SCN4A: variants seen among roughly 807,000 people sequenced by gnomAD.
The protein encoded by SCN4A is sodium voltage-gated channel alpha subunit 4, also known as sodium channel protein type 4 subunit alpha.
Under a neutral mutation model 162.0 loss-of-function variants are expected in SCN4A, and 83 were observed. The observed-to-expected ratio is 0.51, with a 90% confidence interval of 0.43 to 0.61. The LOEUF (loss-of-function observed/expected upper bound fraction) is 0.61. Ranked by LOEUF, SCN4A falls within the 20% of genes least tolerant of loss-of-function variation. The pLI is 0.00. For missense variants in SCN4A, 2,196 were observed against 2,462.5 expected (o/e 0.89, Z 2.29); for synonymous variants, 944 against 985.1 (o/e 0.96, Z 0.78).
chr17:63,961,592 AC>A (rs1379743490), intron 10 of SCN4A, 161 bp from the exon 11 acceptor site: 4 of 535,886 alleles, frequency 7.5e-6, no homozygotes, highest in Non-Finnish European at 1.4e-5. Context: ...CTCTTGCGTC[AC>A]CCTTACTGTC....
rs746440507 is a variant in SCN4A at position 63,951,567 on chromosome 17, G to A, written c.2710C>T (p.Pro904Ser). 1.9e-6 allele frequency: 3 copies of A among 1,613,956 alleles called. No individual in the cohort carries two copies. The highest frequency in any genetic ancestry group is 3.3e-5 in the Admixed American group (2 of 60,024). Residue 904 changes from proline to serine, a missense_variant, in exon 14 of 24, where the codon CCA (proline) becomes TCA (serine). Physicochemically the swap from Pro to Ser is moderately conservative, Grantham distance 74. Transcript: ENST00000435607. This position sits in a 1 kb window ranked among gnomAD's most constrained non-coding sequence, Gnocchi z 4.5. ...LNHMGLADGPPSSLELDHLNF... is the reference protein window; with the variant it reads ...LNHMGLADGPSSSLELDHLNF... ...AGGTGGTCCAGCTCGAGGCTGGATG[G>A]GGGGCCGTCAGCCAGGCCCATGTGG...
intron 9 of SCN4A, 63 bp from the exon 10 acceptor site, chr17:63,963,888 G>C (rs990198513): frequency 6.9e-7 from 1 of 1,449,690 alleles, no homozygotes; most frequent in East Asian, 2.5e-5. Flanking sequence ...TGGACTAATT[G>C]ACCCTCAGAG....
chr17:63,944,967 T>C lies in SCN4A; in HGVS notation c.3774+40A>G. 1.2e-6 allele frequency: 2 copies of C among 1,608,230 alleles called. No individual in the cohort carries two copies. Among genetic ancestry groups the C allele is most frequent in the Non-Finnish European group, 1.7e-6 (2 of 1,175,562 alleles). ...CCCTCCTGTCTTGAGTCCTCTTCCC[T>C]GGCTCGCTCACCAGCCACATCTCAG... On this transcript the variant is annotated intron_variant, in intron 20 of 23. Coordinates refer to ENST00000435607, the MANE Select transcript of SCN4A (RefSeq NM_000334.4). This position sits in a 1 kb window ranked among gnomAD's most constrained non-coding sequence, Gnocchi z 4.3.
In SCN4A at chr17:63,945,584, C is replaced by T; in HGVS notation, c.3496G>A (p.Val1166Ile). 1 of 1,614,040 alleles carries T rather than the reference C, an allele frequency of 6.2e-7. No individual in the cohort carries two copies. Among genetic ancestry groups the T allele is most frequent in the Non-Finnish European group, 8.5e-7 (1 of 1,179,934 alleles). The change falls in exon 19 of 24, where the codon GTC becomes ATC. Residue 1166 changes from valine (V) to isoleucine (I), a missense_variant. Physicochemically the swap from Val to Ile is conservative, Grantham distance 29. Transcript: ENST00000435607. This position sits in a 1 kb window ranked among gnomAD's most constrained non-coding sequence, Gnocchi z 4.4. ...AAGATCAGCCAGAAGATGAGGCAGA[C>T]AAGCAGCACATTCATGATGGAGGGG... ...AIPSIMNVLLVCLIFWLIFSI... is the reference protein window; with the variant it reads ...AIPSIMNVLLICLIFWLIFSI...
chr17:63,948,722 C>A lies in SCN4A; in HGVS notation c.3033G>T (p.Gln1011His), dbSNP rs369874235. The change falls in exon 16 of 24, where the codon CAG (glutamine) becomes CAT (histidine). Residue 1011 changes from glutamine to histidine, a missense_variant. Physicochemically the swap from Gln to His is conservative, Grantham distance 24. Transcript: ENST00000435607. ...GAGTCCACCACTTCTTCCCACGGCC[C>A]TGGGAGATGTCCACGTAGAGGCAGG... ...RWPCLYVDISQGRGKKWWTLR... is the reference protein window; with the variant it reads ...RWPCLYVDISHGRGKKWWTLR... The A allele has an allele frequency of 2.5e-6, 4 of 1,613,130 alleles. No individual in the cohort carries two copies. The highest frequency in any genetic ancestry group is 3.4e-6 in the Non-Finnish European group (4 of 1,179,556).
In SCN4A at chr17:63,950,398, T is replaced by G. The variant is rs1908869414; in HGVS notation, c.2854-870A>C. ...GTGCACTCAACTCCCTAAATCTCCCTTGGAGTTGTGCTCGCCCTCCTTGAA... is the reference window on the plus strand; with the variant it reads ...GTGCACTCAACTCCCTAAATCTCCCGTGGAGTTGTGCTCGCCCTCCTTGAA... On this transcript the variant is annotated intron_variant, in intron 14 of 23. Coordinates refer to ENST00000435607, the MANE Select transcript of SCN4A (RefSeq NM_000334.4). The surrounding 1 kb of genome is among the most constrained non-coding windows in gnomAD (Gnocchi z 4.6). 6.6e-6 allele frequency among the ~76,000 whole-genome samples: 1 copy of G among 152,082 alleles called. No individual in the cohort carries two copies. Among genetic ancestry groups the G allele is most frequent in the Non-Finnish European group, 1.5e-5 (1 of 67,992 alleles).
chr17:63,960,801 G>C (rs1363989050), intron 11 of SCN4A, among the ~76,000 whole-genome samples: 1 of 151,996 alleles, frequency 6.6e-6, no homozygotes, highest in African/African-American at 2.4e-5. Flanking sequence ...CAGATCCCTT[G>C]GCTCCTTTCA....
intron 13 of SCN4A, among the ~76,000 whole-genome samples, chr17:63,953,131 C>T (rs1908965298): frequency 6.6e-6 from 1 of 152,186 alleles, no homozygotes; most frequent in African/African-American, 2.4e-5. Context: ...GAGGCTGGGG[C>T]AGGCGGATCA....
In SCN4A at chr17:63,959,202, C is replaced by T. The variant is rs576756016; in HGVS notation, c.2019+63G>A. 7 of 1,482,772 alleles carry T rather than the reference C, an allele frequency of 4.7e-6. No individual in the cohort carries two copies. In the East Asian group the frequency reaches 1.4e-4, roughly 29 times the overall value. 91.9% of individuals were successfully genotyped at this position (1,482,772 alleles called of 1,614,324 possible). A position where few individuals can be genotyped will look rare whatever the true frequency, so the allele number is the denominator to read the frequency against. ...GGGTTTCTCCTCCCATCCCTGTGCCCACCCTCCTTAGTCTCCTCACCCCAC... is the reference window on the plus strand; with the variant it reads ...GGGTTTCTCCTCCCATCCCTGTGCCTACCCTCCTTAGTCTCCTCACCCCAC... On this transcript the variant is annotated intron_variant, in intron 12 of 23. Coordinates refer to ENST00000435607, the MANE Select transcript of SCN4A (RefSeq NM_000334.4).
chr17:63,953,441 T>C (rs977210857), intron 13 of SCN4A, among the ~76,000 whole-genome samples: 1 of 151,874 alleles, frequency 6.6e-6, no homozygotes, highest in Non-Finnish European at 1.5e-5. Context: ...ACTCAACGCA[T>C]GTTGGCTGTT....
At chr17:63,946,999 C>A (rs779753358) in intron 18 of SCN4A, 46 bp downstream of exon 18, 4 of 1,510,544 alleles carry the variant, frequency 2.6e-6, no homozygotes, top group East Asian at 2.4e-5. Context: ...TGAAGGTGGC[C>A]GGTCCCCCAT....
At position 63,941,096 on chromosome 17, in the gene SCN4A, A is replaced by G. The variant is rs778019474; in HGVS notation, c.5186T>C (p.Val1729Ala). Reference protein sequence around the residue: ...TTTLKRKHEEVCAIKIQRAYR... With the variant: ...TTTLKRKHEEACAIKIQRAYR... Reference sequence around the variant, plus strand: ...GGCCCTCTGGATCTTGATGGCGCACACCTCCTCGTGCTTCCTCTTGAGGGT... The same window carrying G: ...GGCCCTCTGGATCTTGATGGCGCACGCCTCCTCGTGCTTCCTCTTGAGGGT... The change falls in exon 24 of 24, where the codon GTG becomes GCG. Residue 1729 changes from valine to alanine, a missense_variant. Physicochemically the swap from Val to Ala is moderately conservative, Grantham distance 64. Coordinates refer to ENST00000435607, the MANE Select transcript of SCN4A (RefSeq NM_000334.4). This position sits in a 1 kb window ranked among gnomAD's most constrained non-coding sequence, Gnocchi z 6.2. 2.1e-5 allele frequency: 34 copies of G among 1,613,442 alleles called. No individual in the cohort carries two copies. The highest frequency in any genetic ancestry group is 2.8e-5 in the Non-Finnish European group (33 of 1,179,796).
At chr17:63,954,086 T>C (rs1908998408) in intron 13 of SCN4A, among the ~76,000 whole-genome samples, 1 of 152,138 alleles carries the variant, frequency 6.6e-6, no homozygotes. Flanking sequence ...GCATGGGGAA[T>C]TGGGGAGCCT....
chr17:63,947,110 T>G lies in SCN4A; in HGVS notation c.3376A>C (p.Lys1126Gln). Reference protein sequence around the residue: ...WLGYSELGPIKSLRTLRALRP... With the variant: ...WLGYSELGPIQSLRTLRALRP... ...AGGGCCCGCAGTGTCCGCAGGGATTTGATGGGTCCCAGCTCCGAGTAGCCC... is the reference window on the plus strand; with the variant it reads ...AGGGCCCGCAGTGTCCGCAGGGATTGGATGGGTCCCAGCTCCGAGTAGCCC... The change falls in exon 18 of 24, where the codon AAA (lysine) becomes CAA (glutamine). Residue 1126 changes from lysine to glutamine, a missense_variant. Coordinates refer to ENST00000435607, the MANE Select transcript of SCN4A (RefSeq NM_000334.4). The G allele has an allele frequency of 6.2e-7, 1 of 1,613,662 alleles. No homozygotes were observed. Among genetic ancestry groups the G allele is most frequent in the Non-Finnish European group, 8.5e-7 (1 of 1,179,768 alleles).
chr17:63,941,519 A>G lies in SCN4A; in HGVS notation c.4763T>C (p.Ile1588Thr). ...GATGGCGATGTACATGTTGACCACGATGAGGAAGGAGATGATGATATAGCT... is the reference window on the plus strand; with the variant it reads ...GATGGCGATGTACATGTTGACCACGGTGAGGAAGGAGATGATGATATAGCT... ...FCSYIIISFL[I>T]VVNMYIAIIL... The change falls in exon 24 of 24, where the codon ATC becomes ACC. Residue 1588 changes from isoleucine (I) to threonine (T), a missense_variant. Coordinates refer to ENST00000435607, the MANE Select transcript of SCN4A (RefSeq NM_000334.4). The surrounding 1 kb of genome is among the most constrained non-coding windows in gnomAD (Gnocchi z 6.2). The G allele has an allele frequency of 6.2e-7, 1 of 1,614,110 alleles. No homozygotes were observed. The highest frequency in any genetic ancestry group is 1.3e-5 in the African/African-American group (1 of 75,012).
At position 63,940,724 on chromosome 17, in the gene SCN4A, C is replaced by T. The variant is rs779192121; in HGVS notation, c.*47G>A. 6.6e-7 allele frequency: 1 copy of T among 1,521,132 alleles called. No homozygotes were observed. Among genetic ancestry groups the T allele is most frequent in the Admixed American group, 2.2e-5 (1 of 46,184 alleles). 94.2% of individuals were successfully genotyped at this position (1,521,132 alleles called of 1,614,324 possible). On this transcript the variant is annotated 3_prime_UTR_variant, in exon 24 of 24. Coordinates refer to ENST00000435607, the MANE Select transcript of SCN4A (RefSeq NM_000334.4). ...TCTGTGTGCAGGCACCACGGGGGAG[C>T]TCTGGGGACTATGCCGAGACTCAGT...
At position 63,945,486 on chromosome 17, in the gene SCN4A, G is replaced by C. The variant is rs201346556; in HGVS notation, c.3594C>G (p.Phe1198Leu). 2 of 1,613,976 alleles carry C rather than the reference G, an allele frequency of 1.2e-6. No individual in the cohort carries two copies. The highest frequency in any genetic ancestry group is 1.3e-5 in the African/African-American group (1 of 75,030). Residue 1198 changes from phenylalanine (F) to leucine (L), a missense_variant, in exon 19 of 24, where the codon TTC (phenylalanine) becomes TTG (leucine). Physicochemically the swap from Phe to Leu is conservative, Grantham distance 22. Transcript: ENST00000435607. The surrounding 1 kb of genome is among the most constrained non-coding windows in gnomAD (Gnocchi z 4.4). Reference sequence around the variant, plus strand: ...ACTTGTTGTTGACCTCGGAGATGTCGAACCTCTCAGAGGTGGTGGTGTTGA... The same window carrying C: ...ACTTGTTGTTGACCTCGGAGATGTCCAACCTCTCAGAGGTGGTGGTGTTGA... The part of the protein sequence containing the change: ...YCINTTTSER[F>L]DISEVNNKSE...
intron 23 of SCN4A, among the ~76,000 whole-genome samples, 181 bp downstream of exon 23, chr17:63,942,645 T>C (rs999657709): frequency 3.9e-5 from 6 of 152,350 alleles, no homozygotes; most frequent in African/African-American, 9.6e-5. Context: ...TGTGCGCGGG[T>C]GACGATCTGC....
At position 63,945,568 on chromosome 17, in the gene SCN4A, CAGA is replaced by C; in HGVS notation, c.3509_3511del (p.Phe1170del). On this transcript the variant is annotated inframe_deletion, in exon 19 of 24. Coordinates refer to ENST00000435607, the MANE Select transcript of SCN4A (RefSeq NM_000334.4). The surrounding 1 kb of genome is among the most constrained non-coding windows in gnomAD (Gnocchi z 4.4). ...GACACCCATGATGCTGAAGATCAGC[CAGA>C]AGATGAGGCAGACAAGCAGCACATT... is the stretch of plus-strand genomic sequence containing the variant. 6.2e-7 allele frequency: 1 copy of C among 1,613,950 alleles called. No homozygotes were observed. The highest frequency in any genetic ancestry group is 8.5e-7 in the Non-Finnish European group (1 of 1,179,912).
Sources: gnomAD v4.1 joint callset for allele counts (sites outside exome capture counted in the v4.1 genomes callset) on GRCh38, gnomAD v4.1.1 for gene constraint, Gnocchi (gnomAD v3.1) non-coding constraint, MANE v1.5 for transcripts, NCBI Gene and HGNC (gene_info 2026-07-23, HGNC 2026-07-21) for gene names.